Variants in THSD7A observed in about 807,000 individuals in gnomAD.
THSD7A encodes thrombospondin type-1 domain-containing protein 7A.
THSD7A carries 96 observed loss-of-function variants against 231.3 expected under a neutral mutation model. The ratio of observed to expected loss-of-function variants is 0.41; its 90% CI spans 0.35 to 0.49. The LOEUF (loss-of-function observed/expected upper bound fraction) is 0.49, where lower values mean the gene tolerates loss of function less well. Among genes scored for constraint, THSD7A ranks in the 20% least tolerant of loss-of-function variants. THSD7A has a pLI of 0.05. For missense variants in THSD7A, 2,290 were observed against 2,070.2 expected, an observed-to-expected ratio of 1.11 and a Z score of -2.06; for synonymous variants, 940 against 743.3, an observed-to-expected ratio of 1.26 and a Z score of -4.30.
chr7:11,804,556 T>C lies in THSD7A; in HGVS notation c.190+27201A>G, dbSNP rs149123194. Among the ~76,000 whole-genome samples the C allele has an allele frequency of 2.6e-5, 4 of 152,310 alleles. No individual in the cohort carries two copies. The East Asian group carries it at 7.7e-4, about 29-fold the overall frequency. ...GTTTTTGGAGATTTGTTAAAAGTGATACACAAAGTGCTATATACAGTGTTC... is the reference window on the plus strand; with the variant it reads ...GTTTTTGGAGATTTGTTAAAAGTGACACACAAAGTGCTATATACAGTGTTC... On this transcript the variant is annotated intron_variant, in intron 1 of 27. Coordinates refer to ENST00000423059, the MANE Select transcript of THSD7A (RefSeq NM_015204.3).
rs1316056054 is a variant in THSD7A at position 11,604,501 on chromosome 7, ATAAT to A, written c.1023-11003_1023-11000del. Among the ~76,000 whole-genome samples the A allele has an allele frequency of 2.0e-5, 3 of 152,316 alleles. No homozygotes were observed. In the East Asian group the frequency reaches 5.8e-4, roughly 29 times the overall value. ...ATCACTTTAAAAAAACATATTTTTA[ATAAT>A]TAAAGCTTTCTTTAACATCACAATT... On this transcript the variant is annotated intron_variant, in intron 2 of 27. Coordinates refer to ENST00000423059, the MANE Select transcript of THSD7A (RefSeq NM_015204.3).
At chr7:11,531,694 T>C (rs1181846321) in intron 6 of THSD7A, among the ~76,000 whole-genome samples, 1 of 152,124 alleles carries the variant, frequency 6.6e-6, no homozygotes, top group Non-Finnish European at 1.5e-5. Context: ...TGAACTAGGT[T>C]GGAAAAATTG....
At chr7:11,418,843 A>T (rs1562594778) in intron 16 of THSD7A, among the ~76,000 whole-genome samples, 1 of 152,116 alleles carries the variant, frequency 6.6e-6, no homozygotes, top group East Asian at 1.9e-4. Flanking sequence ...TGTATACTGG[A>T]TACATACATA....
chr7:11,379,580 G>T, intron 25 of THSD7A, 50 bp downstream of exon 25: 6 of 1,468,370 alleles, frequency 4.1e-6, no homozygotes, highest in East Asian at 2.4e-5. Flanking sequence ...GAGACAGTGG[G>T]GTGACACATG....
At chr7:11,744,948 G>A (rs1057074155) in intron 1 of THSD7A, among the ~76,000 whole-genome samples, 5 of 151,976 alleles carry the variant, frequency 3.3e-5, no homozygotes, top group African/African-American at 4.8e-5. Flanking sequence ...AATCCTTTGG[G>A]TATATACCCA....
intron 7 of THSD7A, among the ~76,000 whole-genome samples, chr7:11,477,271 T>A (rs1297077374): frequency 2.0e-5 from 3 of 152,220 alleles, no homozygotes; most frequent in Non-Finnish European, 4.4e-5. Flanking sequence ...AGATTAAAGA[T>A]TATTTTGTAC....
At chr7:11,490,882 C>A (rs944311960) in intron 6 of THSD7A, among the ~76,000 whole-genome samples, 1 of 152,054 alleles carries the variant, frequency 6.6e-6, no homozygotes, top group Non-Finnish European at 1.5e-5. Flanking sequence ...ATGGTATTCC[C>A]ATTCATATTA....
At chr7:11,760,720 T>C (rs1333931443) in intron 1 of THSD7A, among the ~76,000 whole-genome samples, 1 of 152,044 alleles carries the variant, frequency 6.6e-6, no homozygotes, top group Non-Finnish European at 1.5e-5. Context: ...CATACTATGT[T>C]AATAATATCA....
At chr7:11,622,598 T>C (rs981580181) in intron 2 of THSD7A, among the ~76,000 whole-genome samples, 2 of 152,108 alleles carry the variant, frequency 1.3e-5, no homozygotes, top group African/African-American at 2.4e-5. Context: ...GTGTCAAATA[T>C]GACTTAGTTT....
intron 22 of THSD7A, among the ~76,000 whole-genome samples, chr7:11,404,725 A>G (rs1357943737): frequency 6.6e-6 from 1 of 152,180 alleles, no homozygotes; most frequent in Non-Finnish European, 1.5e-5. Flanking sequence ...TTAGAAAGTC[A>G]GATTTTCTTT....
At chr7:11,804,117 T>C (rs1333104167) in intron 1 of THSD7A, among the ~76,000 whole-genome samples, 1 of 152,160 alleles carries the variant, frequency 6.6e-6, no homozygotes, top group Non-Finnish European at 1.5e-5. Context: ...TTTAGTGATT[T>C]TTACAACATA....
intron 6 of THSD7A, among the ~76,000 whole-genome samples, chr7:11,514,822 A>G (rs138912180): frequency 3.6e-4 from 55 of 152,278 alleles, no homozygotes; most frequent in African/African-American, 1.3e-3. Flanking sequence ...TTATTACTCT[A>G]TTCTTTGGAA....
chr7:11,801,766 A>G (rs1452781207), intron 1 of THSD7A, among the ~76,000 whole-genome samples: 1 of 152,202 alleles, frequency 6.6e-6, no homozygotes, highest in Non-Finnish European at 1.5e-5. Flanking sequence ...TGTCGTAATC[A>G]TGTTTTTCTA....
At chr7:11,493,670 C>T (rs1786987518) in intron 6 of THSD7A, among the ~76,000 whole-genome samples, 1 of 152,018 alleles carries the variant, frequency 6.6e-6, no homozygotes, top group Non-Finnish European at 1.5e-5. Context: ...ACAATATTGG[C>T]CCATTGTACC....
At chr7:11,607,834 C>G (rs1170420604) in intron 2 of THSD7A, among the ~76,000 whole-genome samples, 1 of 152,060 alleles carries the variant, frequency 6.6e-6, no homozygotes, top group African/African-American at 2.4e-5. Flanking sequence ...TTTTGTTGAG[C>G]TGCTGGGGAA....
At chr7:11,624,455 C>T (rs1330302294) in intron 2 of THSD7A, among the ~76,000 whole-genome samples, 3 of 152,048 alleles carry the variant, frequency 2.0e-5, no homozygotes, top group East Asian at 3.9e-4. Context: ...CTTGACTGCC[C>T]CTTACAGATA....
chr7:11,689,541 T>C (rs902835112), intron 1 of THSD7A, among the ~76,000 whole-genome samples: 7 of 151,732 alleles, frequency 4.6e-5, no homozygotes, highest in African/African-American at 1.7e-4. Flanking sequence ...GTTTTTTTCT[T>C]TTATCAAACC....
Position 11,772,249 on chromosome 7 carries a change from T to C in THSD7A, c.190+59508A>G, listed in dbSNP as rs944214530. Among the ~76,000 whole-genome samples the C allele has an allele frequency of 2.0e-5, 3 of 152,048 alleles. No individual in the cohort carries two copies. In the South Asian group the frequency reaches 6.2e-4, roughly 32 times the overall value. ...AAAACAGATGCTGGCAATGGGGATCTGGAGGAAAGGGAATGCTGGTGGTGA... is the reference window on the plus strand; with the variant it reads ...AAAACAGATGCTGGCAATGGGGATCCGGAGGAAAGGGAATGCTGGTGGTGA... On this transcript the variant is annotated intron_variant, in intron 1 of 27. Coordinates refer to ENST00000423059, the MANE Select transcript of THSD7A (RefSeq NM_015204.3).
intron 16 of THSD7A, among the ~76,000 whole-genome samples, chr7:11,420,296 C>A (rs1482749586): frequency 6.6e-6 from 1 of 152,194 alleles, no homozygotes; most frequent in East Asian, 1.9e-4. Context: ...TTTTGTGGGC[C>A]AGGCTCATGG....
Sources: allele counts gnomAD v4.1 joint callset (sites outside exome capture counted in the v4.1 genomes callset), GRCh38; gene constraint gnomAD v4.1.1; transcripts MANE v1.5; gene names NCBI Gene and HGNC (gene_info 2026-07-23, HGNC 2026-07-21).